FPR3: variants seen among roughly 807,000 people sequenced by gnomAD.
The protein encoded by FPR3 is N-formyl peptide receptor 3.
For synonymous variants in FPR3, 135 were observed against 163.6 expected, an observed-to-expected ratio of 0.83 and a Z score of 1.34; for missense variants, 346 against 443.2, an observed-to-expected ratio of 0.78 and a Z score of 1.97.
At chr19:51,808,458 TAATG>T (rs1336963716) in intron 1 of FPR3, among the ~76,000 whole-genome samples, 1 of 152,220 alleles carries the variant, frequency 6.6e-6, no homozygotes, top group Non-Finnish European at 1.5e-5. Flanking sequence ...ATCATCCATA[TAATG>T]AATGATGTAA....
intron 1 of FPR3, among the ~76,000 whole-genome samples, chr19:51,807,544 G>A (rs1261238603): frequency 6.6e-6 from 1 of 152,176 alleles, no homozygotes; most frequent in Non-Finnish European, 1.5e-5. Flanking sequence ...AACTAGCTCT[G>A]AGCATTGACC....
chr19:51,806,915 G>A (rs1458778603), intron 1 of FPR3, among the ~76,000 whole-genome samples: 1 of 152,202 alleles, frequency 6.6e-6, no homozygotes, highest in Admixed American at 6.5e-5. Context: ...GCAGGGTTTG[G>A]TAAAGATGTG....
intron 1 of FPR3, among the ~76,000 whole-genome samples, chr19:51,814,749 T>C (rs1286371242): frequency 1.3e-5 from 2 of 152,132 alleles, no homozygotes; most frequent in African/African-American, 4.8e-5. Flanking sequence ...CACCTCGGCC[T>C]CCCAAAGTGC....
At chr19:51,812,144 A>T (rs1373491686) in intron 1 of FPR3, among the ~76,000 whole-genome samples, 1 of 152,236 alleles carries the variant, frequency 6.6e-6, no homozygotes, top group Non-Finnish European at 1.5e-5. Context: ...TAAATAATAC[A>T]TTAAAATTAA....
chr19:51,812,527 T>C (rs898023187), intron 1 of FPR3, among the ~76,000 whole-genome samples: 9 of 152,242 alleles, frequency 5.9e-5, no homozygotes, highest in African/African-American at 1.7e-4. Flanking sequence ...TTGGCTAGCA[T>C]GTTCTGTTAA....
intron 1 of FPR3, among the ~76,000 whole-genome samples, chr19:51,807,480 C>T (rs1362163675): frequency 6.6e-6 from 1 of 152,060 alleles, no homozygotes; most frequent in East Asian, 1.9e-4. Context: ...CCTTCGGGTC[C>T]CTGCAGTTGA....
chr19:51,818,431 C>T (rs190557358), intron 1 of FPR3, among the ~76,000 whole-genome samples: 32 of 152,270 alleles, frequency 2.1e-4, no homozygotes, highest in Admixed American at 1.6e-3. Flanking sequence ...GCTAGAGACA[C>T]AGCACTGAAA....
At position 51,823,912 on chromosome 19, in the gene FPR3, T is replaced by C. The variant is rs775409263; in HGVS notation, c.164T>C (p.Met55Thr). 3.7e-6 allele frequency: 6 copies of C among 1,614,144 alleles called. No homozygotes were observed. Among genetic ancestry groups the C allele is most frequent in the East Asian group, 2.2e-5 (1 of 44,876 alleles). The change falls in exon 2 of 2, where the codon ATG becomes ACG. Residue 55 changes from methionine (M) to threonine (T), a missense_variant. Met to Thr is a moderately conservative substitution (Grantham distance 81). Transcript: ENST00000339223. ...GLVIWVAGFR[M>T]TRTVNTICYL... ...GTGATCTGGGTGGCTGGATTCCGGA[T>C]GACACGCACAGTCAACACCATCTGT...
rs143231858 is a variant in FPR3 at position 51,823,918 on chromosome 19, G to C, written c.170G>C (p.Arg57Pro). 1.2e-6 allele frequency: 2 copies of C among 1,613,904 alleles called. No homozygotes were observed. The highest frequency in any genetic ancestry group is 1.7e-6 in the Non-Finnish European group (2 of 1,179,980). ...VIWVAGFRMT[R>P]TVNTICYLNL... is the part of the protein sequence containing the mutation. ...TGGGTGGCTGGATTCCGGATGACAC[G>C]CACAGTCAACACCATCTGTTACCTG... Residue 57 changes from arginine to proline, a missense_variant, in exon 2 of 2, where the codon CGC becomes CCC. Arg to Pro is a moderately radical substitution (Grantham distance 103). Coordinates refer to ENST00000339223, the MANE Select transcript of FPR3 (RefSeq NM_002030.5).
chr19:51,801,188 C>G (rs549910616), intron 1 of FPR3, among the ~76,000 whole-genome samples: 1 of 152,016 alleles, frequency 6.6e-6, no homozygotes, highest in Non-Finnish European at 1.5e-5. Flanking sequence ...GAGCCAAAAC[C>G]AGGTCTAGCA....
rs2084226596 is a variant in FPR3, at chr19:51,825,523, G to C, written c.*713G>C. 2 of 167,038 alleles carry C rather than the reference G, an allele frequency of 1.2e-5. No individual in the cohort carries two copies. Among genetic ancestry groups the C allele is most frequent in the African/African-American group, 4.8e-5 (2 of 41,436 alleles). The allele number at this position is 167,038 out of a possible 1,614,324, so 10.3% of individuals were successfully genotyped here. On this transcript the variant is annotated 3_prime_UTR_variant, in exon 2 of 2. Transcript: ENST00000339223. ...GGGGTAGATGAAAGGAAAGGAGAGA[G>C]ATTCTGTTTCCTGAGGCTTAATACA...
At chr19:51,805,744 G>A (rs542291371) in intron 1 of FPR3, among the ~76,000 whole-genome samples, 2 of 152,280 alleles carry the variant, frequency 1.3e-5, no homozygotes, top group East Asian at 1.9e-4. Context: ...ACAGAACTAT[G>A]CAAAGTTACA....
chr19:51,802,333 T>C (rs754970083), intron 1 of FPR3, among the ~76,000 whole-genome samples: 2 of 152,096 alleles, frequency 1.3e-5, no homozygotes, highest in South Asian at 2.1e-4. Flanking sequence ...CCTGCAGAGG[T>C]AGAGGTACAG....
intron 1 of FPR3, among the ~76,000 whole-genome samples, chr19:51,813,455 G>A (rs1167070720): frequency 6.6e-6 from 1 of 151,932 alleles, no homozygotes; most frequent in Non-Finnish European, 1.5e-5. Context: ...ATGATCTAAG[G>A]ATGTCATGTT....
intron 1 of FPR3, among the ~76,000 whole-genome samples, chr19:51,806,625 G>T (rs1599832150): frequency 6.6e-6 from 1 of 152,124 alleles, no homozygotes; most frequent in East Asian, 1.9e-4. Context: ...CCTGTTTTAT[G>T]GGTTATAGCC....
chr19:51,806,301 C>T (rs947413388), intron 1 of FPR3, among the ~76,000 whole-genome samples: 11 of 152,200 alleles, frequency 7.2e-5, no homozygotes, highest in Admixed American at 6.5e-4. Context: ...TGTCAATCTC[C>T]TGTAAACACA....
At chr19:51,799,677 C>T (rs1363041075) in intron 1 of FPR3, among the ~76,000 whole-genome samples, 1 of 152,206 alleles carries the variant, frequency 6.6e-6, no homozygotes. Context: ...CCGTGGACGG[C>T]TCTTTGAGGC....
In FPR3 at chr19:51,814,938, T is replaced by C. The variant is rs139877795; in HGVS notation, c.-10-8801T>C. ...GATTCTCCTGCCCCAGCCTCCAAAG[T>C]AGCTGGGACTACAGCCGCCTGCCAC... On this transcript the variant is annotated intron_variant, in intron 1 of 1. Coordinates refer to ENST00000339223, the MANE Select transcript of FPR3 (RefSeq NM_002030.5). Among the ~76,000 whole-genome samples the C allele has an allele frequency of 1.9e-3, 285 of 152,014 alleles. 10 individuals are homozygous for C. The East Asian group carries it at 0.043, about 23-fold the overall frequency.
rs58620565 is a variant in FPR3, at chr19:51,795,504, C to CTTTTTTTTTTTTTTTTTT, written c.-11+185_-11+202dup. Among the ~76,000 whole-genome samples the CTTTTTTTTTTTTTTTTTT allele has an allele frequency of 4.3e-4, 32 of 74,730 alleles. 4 individuals carry two copies. Among genetic ancestry groups the CTTTTTTTTTTTTTTTTTT allele is most frequent in the East Asian group, 2.2e-3 (4 of 1,812 alleles). The allele number at this position is 74,730 out of a possible 152,430, so 49.0% of individuals were successfully genotyped here. A position where few individuals can be genotyped will look rare whatever the true frequency, so the allele number is the denominator to read the frequency against. On this transcript the variant is annotated intron_variant, in intron 1 of 1. Coordinates refer to ENST00000339223, the MANE Select transcript of FPR3 (RefSeq NM_002030.5). ...TTTGGTTACATGTTCCAGTAACATT[C>CTTTTTTTTTTTTTTTTTT]TTTTTTTTTTTTTTTTTTTTTTTTT...
Sources: gnomAD v4.1 joint callset for allele counts (sites outside exome capture counted in the v4.1 genomes callset) on GRCh38, gnomAD v4.1.1 for gene constraint, MANE v1.5 for transcripts, NCBI Gene and HGNC (gene_info 2026-07-23, HGNC 2026-07-21) for gene names.